NDUFA12: variants seen among roughly 807,000 people sequenced by gnomAD.
NDUFA12 encodes NADH:ubiquinone oxidoreductase subunit A12, also known as NADH dehydrogenase [ubiquinone] 1 alpha subcomplex subunit 12.
A neutral mutation model predicts 20.3 loss-of-function variants in NDUFA12; 17 were observed. The observed-to-expected ratio is 0.84, with a 90% CI of 0.57 to 1.26. The LOEUF is 1.26. Among genes scored for constraint, NDUFA12 ranks in the 50% most tolerant of loss-of-function variants. NDUFA12 has a pLI of 0.00. For synonymous variants in NDUFA12, 72 were observed against 63.6 expected (o/e 1.13, Z -0.63); for missense variants, 191 against 183.7 (o/e 1.04, Z -0.23).
rs1012907107 is a variant in NDUFA12 at position 94,974,904 on chromosome 12, TA to T, written c.258-3285del. ...GGGAGGTGGGGATGGTTAATGGGTA[TA>T]AAAAAAAATAGTCAGAAAGAATGAA... On this transcript the variant is annotated intron_variant, in intron 3 of 3. Coordinates refer to ENST00000327772, the MANE Select transcript of NDUFA12 (RefSeq NM_018838.5). Among the ~76,000 whole-genome samples, 41 of 150,752 alleles carry T rather than the reference TA, an allele frequency of 2.7e-4. 1 individual carries two copies. Among genetic ancestry groups the T allele is most frequent in the Middle Eastern group, 3.4e-3 (1 of 292 alleles).
At chr12:94,975,483 T>C (rs1874037535) in intron 3 of NDUFA12, among the ~76,000 whole-genome samples, 1 of 152,226 alleles carries the variant, frequency 6.6e-6, no homozygotes, top group Non-Finnish European at 1.5e-5. Context: ...TCATATACTA[T>C]TCAATATATT....
chr12:94,980,456 A>G (rs1011301129), intron 3 of NDUFA12, among the ~76,000 whole-genome samples: 1 of 152,070 alleles, frequency 6.6e-6, no homozygotes, highest in African/African-American at 2.4e-5. Flanking sequence ...AGAACACATC[A>G]CGCCAAATGA....
chr12:94,989,256 T>C (rs930474865), intron 3 of NDUFA12, among the ~76,000 whole-genome samples: 6 of 152,146 alleles, frequency 3.9e-5, no homozygotes, highest in African/African-American at 2.4e-5. Context: ...ATAAAGGATG[T>C]TTTTCTGCCT....
chr12:94,993,256 AGGTGGGTG>A (rs1565817977), intron 3 of NDUFA12, among the ~76,000 whole-genome samples: 1 of 90,188 alleles, frequency 1.1e-5, no homozygotes, highest in Non-Finnish European at 2.7e-5. Context: ...TGAGAGGCCG[AGGTGGGTG>A]GATCACTTGA....
At chr12:95,001,614 C>A (rs1034266831) in intron 2 of NDUFA12, among the ~76,000 whole-genome samples, 1 of 150,712 alleles carries the variant, frequency 6.6e-6, no homozygotes, top group Non-Finnish European at 1.5e-5. Flanking sequence ...GGTGACAGAG[C>A]GAGACCCTGT....
At chr12:95,000,287 G>C (rs150548924) in intron 2 of NDUFA12, among the ~76,000 whole-genome samples, 2 of 152,130 alleles carry the variant, frequency 1.3e-5, no homozygotes, top group East Asian at 1.9e-4. Flanking sequence ...AGGATGCCAA[G>C]GTATAAGAAT....
chr12:95,002,270 T>C (rs997247344), intron 2 of NDUFA12, among the ~76,000 whole-genome samples: 21 of 150,302 alleles, frequency 1.4e-4, no homozygotes, highest in Admixed American at 2.0e-4. Context: ...TGAAACCCCA[T>C]CTCTACTAAA....
intron 3 of NDUFA12, among the ~76,000 whole-genome samples, chr12:94,991,025 T>C (rs564392025): frequency 6.6e-6 from 1 of 152,284 alleles, no homozygotes; most frequent in East Asian, 1.9e-4. Flanking sequence ...GGCTCATGCC[T>C]CTAATCCCAG....
intron 3 of NDUFA12, among the ~76,000 whole-genome samples, chr12:94,976,973 C>A (rs1874081425): frequency 6.6e-6 from 1 of 152,170 alleles, no homozygotes; most frequent in African/African-American, 2.4e-5. Context: ...ACAATCTTGT[C>A]TTCTGCTTAT....
chr12:95,002,359 T>C (rs918571027), intron 2 of NDUFA12, among the ~76,000 whole-genome samples: 1 of 133,270 alleles, frequency 7.5e-6, no homozygotes, highest in Non-Finnish European at 1.5e-5. Flanking sequence ...GGAGAATCGC[T>C]GGAACCCAGG....
At chr12:94,973,927 GC>G (rs2136057493) in intron 3 of NDUFA12, among the ~76,000 whole-genome samples, 1 of 148,744 alleles carries the variant, frequency 6.7e-6, no homozygotes, top group East Asian at 2.0e-4. Context: ...CTTTCAGATT[GC>G]CACACCAGAG....
intron 3 of NDUFA12, 70 bp from the exon 4 acceptor site, chr12:94,971,690 C>T (rs1260579298): frequency 2.3e-5 from 36 of 1,553,298 alleles, no homozygotes; most frequent in Non-Finnish European, 3.0e-5. Context: ...CGGTTAAAAA[C>T]GTAGCCCTGG....
chr12:94,994,485 G>A, intron 2 of NDUFA12: 2 of 514,194 alleles, frequency 3.9e-6, no homozygotes, highest in South Asian at 2.1e-5. Context: ...ATTCACTGCT[G>A]TGGGTGGGGC....
intron 3 of NDUFA12, among the ~76,000 whole-genome samples, chr12:94,981,304 C>T (rs951482491): frequency 2.3e-5 from 3 of 132,214 alleles, no homozygotes; most frequent in African/African-American, 8.8e-5. Context: ...AAACAGTAGC[C>T]GGGCATGGTG....
intron 2 of NDUFA12, among the ~76,000 whole-genome samples, chr12:94,999,727 C>T (rs1874960445): frequency 6.6e-6 from 1 of 152,118 alleles, no homozygotes; most frequent in African/African-American, 2.4e-5. Flanking sequence ...GAAAAAAATG[C>T]TCAACATCAC....
intron 2 of NDUFA12, among the ~76,000 whole-genome samples, chr12:94,994,752 G>A (rs1565818627): frequency 6.6e-6 from 1 of 152,184 alleles, no homozygotes. Context: ...CATTAGAAAT[G>A]ATGGTTAGGT....
rs74574529 is a variant in NDUFA12, at chr12:94,995,568, C to A, written c.170-1311G>T. 2.5e-4 allele frequency among the ~76,000 whole-genome samples: 38 copies of A among 152,222 alleles called. 2 individuals are homozygous for A. The highest frequency in any genetic ancestry group is 2.1e-3 in the East Asian group (11 of 5,182). The stretch of plus-strand genomic sequence containing the variant: ...TATTGGAGACGGAGTCTCGCTCTGT[C>A]GCCTAGGCTGGAGTGCAATGGCGCG... On this transcript the variant is annotated intron_variant, in intron 2 of 3. Transcript: ENST00000327772.
rs766118227 is a variant in NDUFA12, at chr12:95,002,762, T to C, written c.146A>G (p.Tyr49Cys). The C allele has an allele frequency of 1.1e-5, 17 of 1,613,920 alleles. No homozygotes were observed. In the South Asian group the frequency reaches 1.5e-4, roughly 15 times the overall value. Residue 49 changes from tyrosine to cysteine, a missense_variant, in exon 2 of 4, where the codon TAT becomes TGT. Physicochemically the swap from Tyr to Cys is radical, Grantham distance 194. Coordinates refer to ENST00000327772, the MANE Select transcript of NDUFA12 (RefSeq NM_018838.5). ...ACCAAAAAATTGCTTGTTGTCTTCA[T>C]AGTATTTGTTTCCATATTTGTCTTC... is the stretch of plus-strand genomic sequence containing the variant. ...VGEDKYGNKY[Y>C]EDNKQFFGRH...
chr12:94,987,900 C>T (rs905770414), intron 3 of NDUFA12, among the ~76,000 whole-genome samples: 2 of 151,670 alleles, frequency 1.3e-5, no homozygotes, highest in African/African-American at 4.8e-5. Flanking sequence ...TCAAAGATAT[C>T]CTCCCTATAC....
Sources: allele counts gnomAD v4.1 joint callset (sites outside exome capture counted in the v4.1 genomes callset), GRCh38; gene constraint gnomAD v4.1.1; transcripts MANE v1.5; gene names NCBI Gene and HGNC (gene_info 2026-07-23, HGNC 2026-07-21).